SMAP1: variants seen among roughly 807,000 people sequenced by gnomAD.
SMAP1 encodes the protein small ArfGAP 1, also known as stromal membrane-associated protein 1.
A neutral mutation model predicts 58.5 loss-of-function variants in SMAP1; 24 were observed. That is an observed-to-expected ratio of 0.41 (90% CI 0.30 to 0.58). The LOEUF (loss-of-function observed/expected upper bound fraction) is 0.58, where lower values mean the gene tolerates loss of function less well. Ranked by LOEUF, SMAP1 falls within the 20% of genes least tolerant of loss-of-function variation. SMAP1 has a pLI of 0.29. For synonymous variants in SMAP1, 216 were observed against 196.6 expected, an observed-to-expected ratio of 1.10 and a Z score of -0.82; for missense variants, 563 against 566.3, an observed-to-expected ratio of 0.99 and a Z score of 0.06.
intron 3 of SMAP1, among the ~76,000 whole-genome samples, chr6:70,772,218 A>G (rs1767357566): frequency 6.6e-6 from 1 of 152,212 alleles, no homozygotes; most frequent in African/African-American, 2.4e-5. Flanking sequence ...TCAGTGTCGT[A>G]AGAAAACAAC....
At chr6:70,669,319 C>T (rs1279691912) in intron 1 of SMAP1, among the ~76,000 whole-genome samples, 3 of 152,134 alleles carry the variant, frequency 2.0e-5, no homozygotes, top group Non-Finnish European at 4.4e-5. Context: ...ATAAATGAGT[C>T]ACATTTCAGT....
chr6:70,717,893 G>T (rs1270165459), intron 1 of SMAP1, among the ~76,000 whole-genome samples: 1 of 152,070 alleles, frequency 6.6e-6, no homozygotes, highest in East Asian at 1.9e-4. Context: ...ATAATATATT[G>T]AATTTCAGGA....
chr6:70,770,369 G>A (rs1045865778), intron 3 of SMAP1, among the ~76,000 whole-genome samples: 3 of 152,120 alleles, frequency 2.0e-5, no homozygotes, highest in Admixed American at 6.6e-5. Context: ...CATTCTCCCC[G>A]TCACTTTCAG....
At chr6:70,850,246 C>T (rs1771133108) in intron 7 of SMAP1, among the ~76,000 whole-genome samples, 1 of 152,150 alleles carries the variant, frequency 6.6e-6, no homozygotes. Context: ...CACTGGTGTT[C>T]TGTGAACTAG....
intron 1 of SMAP1, among the ~76,000 whole-genome samples, chr6:70,701,674 C>G (rs1341914029): frequency 6.6e-6 from 1 of 152,164 alleles, no homozygotes; most frequent in African/African-American, 2.4e-5. Context: ...CCCACAATCA[C>G]TGCGTTCTCC....
Position 70,705,817 on chromosome 6 carries a change from A to G in SMAP1, c.119-26561A>G, listed in dbSNP as rs545391289. ...TACAAGGTATAGATCAACTTTGCCT[A>G]TTTTTTAGTGTGGAAACTGAGGTTT... On this transcript the variant is annotated intron_variant, in intron 1 of 10. Transcript: ENST00000370455. 3.7e-4 allele frequency among the ~76,000 whole-genome samples: 56 copies of G among 152,254 alleles called. 1 individual carries two copies. The highest frequency in any genetic ancestry group is 1.3e-4 in the Admixed American group (2 of 15,286).
chr6:70,735,446 A>G (rs1765582922), intron 2 of SMAP1, among the ~76,000 whole-genome samples: 1 of 152,216 alleles, frequency 6.6e-6, no homozygotes, highest in Non-Finnish European at 1.5e-5. Context: ...ATAATGTTCC[A>G]TATTCATATG....
chr6:70,676,743 T>G (rs937849870), intron 1 of SMAP1, among the ~76,000 whole-genome samples: 1 of 152,146 alleles, frequency 6.6e-6, no homozygotes, highest in African/African-American at 2.4e-5. Flanking sequence ...TTAAACAAAT[T>G]GGAATTTTTG....
chr6:70,698,941 G>A (rs1230941572), intron 1 of SMAP1, among the ~76,000 whole-genome samples: 2 of 152,180 alleles, frequency 1.3e-5, no homozygotes, highest in Non-Finnish European at 2.9e-5. Flanking sequence ...GGATGGTCTT[G>A]ATGCTTGTGG....
chr6:70,677,432 CTTTTTTTTTTTTTTT>C (rs58133069), intron 1 of SMAP1, among the ~76,000 whole-genome samples: 6 of 60,376 alleles, frequency 9.9e-5, no homozygotes, highest in Admixed American at 4.8e-4. Context: ...CTTGTCACTT[CTTTTTTTTTTTTTTT>C]TTTTTTTTTT....
At chr6:70,858,595 G>A (rs1464720570) in intron 10 of SMAP1, 1 of 163,400 alleles carries the variant, frequency 6.1e-6, no homozygotes, top group African/African-American at 2.4e-5. Context: ...TTGCTGGTGG[G>A]ACATTTTTAC....
chr6:70,737,923 G>T (rs2149869126), intron 2 of SMAP1, among the ~76,000 whole-genome samples: 1 of 152,292 alleles, frequency 6.6e-6, no homozygotes, highest in African/African-American at 2.4e-5. Flanking sequence ...AGCAGCCTTA[G>T]GGAGGGTAAC....
chr6:70,716,982 T>C (rs1768293955), intron 1 of SMAP1, among the ~76,000 whole-genome samples: 1 of 152,202 alleles, frequency 6.6e-6, no homozygotes, highest in South Asian at 2.1e-4. Context: ...CTTGTGAGAC[T>C]GGTGTTGTGT....
chr6:70,817,566 C>T (rs1160283997), intron 6 of SMAP1, among the ~76,000 whole-genome samples: 1 of 152,074 alleles, frequency 6.6e-6, no homozygotes, highest in Non-Finnish European at 1.5e-5. Context: ...TAAATGACAA[C>T]CAAATAGTCC....
chr6:70,837,558 G>A (rs975454580), intron 7 of SMAP1, among the ~76,000 whole-genome samples: 1 of 151,912 alleles, frequency 6.6e-6, no homozygotes, highest in East Asian at 1.9e-4. Context: ...TGTCCTGTTT[G>A]TTCTCATGGC....
intron 1 of SMAP1, among the ~76,000 whole-genome samples, chr6:70,693,298 C>CTTT (rs55693339): frequency 0.041 from 4,477 of 109,158 alleles, 152 homozygotes; most frequent in South Asian, 0.11. Flanking sequence ...ATGTCATCTT[C>CTTT]TTTTTTTTTT....
At chr6:70,815,533 G>T (rs1769581597) in intron 6 of SMAP1, among the ~76,000 whole-genome samples, 1 of 152,012 alleles carries the variant, frequency 6.6e-6, no homozygotes, top group South Asian at 2.1e-4. Flanking sequence ...TTTTTGGCGG[G>T]GGGAGTGGGG....
chr6:70,774,451 TC>T (rs1767462877), intron 4 of SMAP1, among the ~76,000 whole-genome samples: 1 of 152,226 alleles, frequency 6.6e-6, no homozygotes, highest in Admixed American at 6.5e-5. Flanking sequence ...TAGATTCATC[TC>T]ATTTTTCATA....
chr6:70,844,021 A>G (rs756285493), intron 7 of SMAP1, among the ~76,000 whole-genome samples: 20 of 152,136 alleles, frequency 1.3e-4, no homozygotes, highest in Non-Finnish European at 4.4e-5. Flanking sequence ...ATTAGAGAGA[A>G]AGAGGGAGAT....
Sources: allele counts gnomAD v4.1 joint callset (sites outside exome capture counted in the v4.1 genomes callset), GRCh38; gene constraint gnomAD v4.1.1; transcripts MANE v1.5; gene names NCBI Gene and HGNC (gene_info 2026-07-23, HGNC 2026-07-21).